PMFBP1: variants seen among roughly 807,000 people sequenced by gnomAD.
PMFBP1 encodes the protein polyamine-modulated factor 1-binding protein 1.
Under a neutral mutation model 137.8 loss-of-function variants are expected in PMFBP1, and 131 were observed. The observed-to-expected ratio is 0.95, with a 90% CI of 0.82 to 1.10. The LOEUF (loss-of-function observed/expected upper bound fraction) is 1.10, where lower values mean the gene tolerates loss of function less well. Ranked by LOEUF, PMFBP1 falls within the 50% of genes least tolerant of loss-of-function variation. PMFBP1 has a pLI of 0.00. For missense variants in PMFBP1, 1,199 were observed against 1,175.4 expected (o/e 1.02, Z -0.29); for synonymous variants, 490 against 450.4 (o/e 1.09, Z -1.11).
At chr16:72,137,395 A>G (rs1426637996) in intron 7 of PMFBP1, among the ~76,000 whole-genome samples, 1 of 152,210 alleles carries the variant, frequency 6.6e-6, no homozygotes, top group Non-Finnish European at 1.5e-5. Flanking sequence ...GAAAATGTTA[A>G]CAGTGGATAA....
the PMFBP1 span, among the ~76,000 whole-genome samples, chr16:72,235,877 A>G: frequency 6.6e-6 from 1 of 152,128 alleles, no homozygotes; most frequent in Non-Finnish European, 1.5e-5. Flanking sequence ...ACTAGTTGTA[A>G]GAGTTGCTTT....
At chr16:72,188,989 T>C in the PMFBP1 span, among the ~76,000 whole-genome samples, 1 of 151,894 alleles carries the variant, frequency 6.6e-6, no homozygotes, top group Admixed American at 6.6e-5. Flanking sequence ...CTAAAAAGTG[T>C]AACACATGGT....
chr16:72,218,770 A>C, the PMFBP1 span, among the ~76,000 whole-genome samples: 1 of 152,220 alleles, frequency 6.6e-6, no homozygotes, highest in African/African-American at 2.4e-5. Context: ...CTAGGCATCT[A>C]CCATGTGCAA....
chr16:72,130,852 T>A, intron 10 of PMFBP1, 130 bp from the exon 11 acceptor site: 1 of 805,244 alleles, frequency 1.2e-6, no homozygotes, highest in Non-Finnish European at 1.9e-6. Flanking sequence ...CTCATTTCTC[T>A]CCATTTCATG....
the PMFBP1 span, among the ~76,000 whole-genome samples, chr16:72,187,609 G>A: frequency 2.6e-5 from 4 of 152,266 alleles, no homozygotes; most frequent in Non-Finnish European, 4.4e-5. Context: ...TGATCAAGTC[G>A]TGGAAGGGAA....
the PMFBP1 span, among the ~76,000 whole-genome samples, chr16:72,194,643 A>T: frequency 3.3e-5 from 5 of 152,208 alleles, no homozygotes; most frequent in African/African-American, 1.2e-4. Flanking sequence ...GGTCAATAGT[A>T]TTAAAGACCA....
rs2042528611 is a variant in PMFBP1 at position 72,130,281 on chromosome 16, G to A, written c.1714C>T (p.Gln572Ter). 2 of 1,614,046 alleles carry A rather than the reference G, an allele frequency of 1.2e-6. No individual in the cohort carries two copies. The highest frequency in any genetic ancestry group is 2.2e-5 in the East Asian group (1 of 44,892). Reference protein sequence around the residue: ...KLENSDKEKRQLQKTVAEQDM... With the variant: ...KLENSDKEKR ...TGCTCAGCCACTGTCTTCTGAAGCT[G>A]CCTCTTTTCCTTGTCTGAATTTTCA... The change falls in exon 12 of 21, where the codon CAG becomes TAG. Residue 572 changes from glutamine to a stop codon, truncating the protein, a stop_gained. Transcript: ENST00000237353. LOFTEE classifies it high-confidence loss of function.
At chr16:72,153,132 T>C (rs1288401010) in intron 4 of PMFBP1, among the ~76,000 whole-genome samples, 1 of 152,258 alleles carries the variant, frequency 6.6e-6, no homozygotes, top group Non-Finnish European at 1.5e-5. Flanking sequence ...TTGTTTAAGT[T>C]GTAGTGAACC....
At chr16:72,126,997 C>T (rs1382724211) in intron 14 of PMFBP1, among the ~76,000 whole-genome samples, 4 of 152,186 alleles carry the variant, frequency 2.6e-5, no homozygotes, top group Non-Finnish European at 4.4e-5. Context: ...CTGTCACAGA[C>T]ACACACAGAA....
In PMFBP1 at chr16:72,125,379, C is replaced by T; in HGVS notation, c.2280G>A (p.Lys760=). The change falls in exon 16 of 21, where the codon AAG becomes AAA. Residue 760 remains lysine (K), a synonymous_variant. Coordinates refer to ENST00000237353, the MANE Select transcript of PMFBP1 (RefSeq NM_031293.3). The part of the protein sequence containing the change: ...EKLNHVTSET[K]SLQQSLTQTQ... ...TCTGTGTCAAGCTTTGCTGCAGGCT[C>T]TTTGTCTCTGAGGTCACGTGATTGA... 6.2e-7 allele frequency: 1 copy of T among 1,612,078 alleles called. No individual in the cohort carries two copies. The highest frequency in any genetic ancestry group is 8.5e-7 in the Non-Finnish European group (1 of 1,179,356).
chr16:72,122,930 G>C lies in PMFBP1; in HGVS notation c.2752C>G (p.Leu918Val), dbSNP rs144611852. The C allele has an allele frequency of 3.7e-6, 6 of 1,613,334 alleles. No homozygotes were observed. In the South Asian group the frequency reaches 6.6e-5, roughly 18 times the overall value. ...LREQVKYIAK[L>V]SGEKDHLHSV... ...ATGACTTACTCCTTTTCGCCACTCA[G>C]CTTGGCAATGTATTTCACCTGCTCT... The change falls in exon 19 of 21, where the codon CTG becomes GTG. Residue 918 changes from leucine (L) to valine (V), a missense_variant. Coordinates refer to ENST00000237353, the MANE Select transcript of PMFBP1 (RefSeq NM_031293.3).
chr16:72,128,542 G>A (rs546843981), intron 14 of PMFBP1, 115 bp downstream of exon 14: 28 of 1,591,258 alleles, frequency 1.8e-5, no homozygotes, highest in Middle Eastern at 3.8e-4. Flanking sequence ...CCCAGGATCC[G>A]CAGTTGGCTG....
intron 3 of PMFBP1, chr16:72,164,524 A>G (rs1487707023): frequency 2.9e-6 from 4 of 1,401,138 alleles, no homozygotes; most frequent in Non-Finnish European, 3.9e-6. Context: ...TAAGGAAAAC[A>G]TCGTGCCTAG....
At chr16:72,228,957 T>C in the PMFBP1 span, among the ~76,000 whole-genome samples, 1 of 152,072 alleles carries the variant, frequency 6.6e-6, no homozygotes, top group African/African-American at 2.4e-5. Flanking sequence ...TTATCACCCG[T>C]AATAAGCACA....
chr16:72,129,316 C>A, intron 12 of PMFBP1, 83 bp from the exon 13 acceptor site: 1 of 1,450,242 alleles, frequency 6.9e-7, no homozygotes, highest in Non-Finnish European at 9.2e-7. Context: ...GCACACAGGG[C>A]ATGGCTGAGA....
At chr16:72,246,360 T>G in the PMFBP1 span, among the ~76,000 whole-genome samples, 5 of 152,174 alleles carry the variant, frequency 3.3e-5, no homozygotes, top group Non-Finnish European at 7.3e-5. Flanking sequence ...ACTGGTTTGC[T>G]GTTGGATAAC....
chr16:72,119,651 T>C (rs900682487), intron 20 of PMFBP1, 200 bp downstream of exon 20: 5 of 1,446,188 alleles, frequency 3.5e-6, no homozygotes, highest in Non-Finnish European at 1.8e-6. Flanking sequence ...TTGGGTATGC[T>C]TCAGATGTTC....
chr16:72,196,190 A>T, the PMFBP1 span, among the ~76,000 whole-genome samples: 1 of 151,858 alleles, frequency 6.6e-6, no homozygotes, highest in Non-Finnish European at 1.5e-5. Context: ...AAGTTAAGCA[A>T]CCCCTCCTCC....
chr16:72,177,628 T>C (rs1441743424), upstream of PMFBP1, among the ~76,000 whole-genome samples: 1 of 152,352 alleles, frequency 6.6e-6, no homozygotes, highest in Non-Finnish European at 1.5e-5. Context: ...GATGATACGA[T>C]GATCAAAACT....
Sources: allele counts gnomAD v4.1 joint callset (sites outside exome capture counted in the v4.1 genomes callset), GRCh38; gene constraint gnomAD v4.1.1; transcripts MANE v1.5; gene names NCBI Gene and HGNC (gene_info 2026-07-23, HGNC 2026-07-21).